Variants in RBMS1 observed in about 807,000 individuals in gnomAD.
RBMS1 encodes the protein RNA binding motif single stranded interacting protein 1.
In RBMS1, 17 loss-of-function variants were observed where a neutral mutation model predicts 62.3. That is an observed-to-expected ratio of 0.27 (90% CI 0.19 to 0.41). The LOEUF is 0.41. Among genes scored for constraint, RBMS1 ranks in the 10% least tolerant of loss-of-function variants. RBMS1 has a pLI of 1.00. For synonymous variants in RBMS1, 172 were observed against 170.0 expected (o/e 1.01, Z -0.09); for missense variants, 334 against 504.5 (o/e 0.66, Z 3.24).
At chr2:160,302,075 T>C (rs1689236559) in intron 5 of RBMS1, among the ~76,000 whole-genome samples, 2 of 152,208 alleles carry the variant, frequency 1.3e-5, no homozygotes, top group Non-Finnish European at 2.9e-5. Flanking sequence ...CAAAGAGCTT[T>C]CTATTTAGTA....
intron 2 of RBMS1, among the ~76,000 whole-genome samples, chr2:160,348,738 A>G (rs1245869902): frequency 2.0e-5 from 3 of 152,160 alleles, no homozygotes; most frequent in Non-Finnish European, 4.4e-5. Context: ...ATGAGTCTGG[A>G]ATGCAAGTGA....
chr2:160,372,446 G>A (rs141270993), intron 1 of RBMS1, among the ~76,000 whole-genome samples: 84 of 152,152 alleles, frequency 5.5e-4, no homozygotes, highest in African/African-American at 2.0e-3. Context: ...CACTACAGTT[G>A]CTCCTGAAAG....
chr2:160,468,891 G>A (rs1189443901), intron 1 of RBMS1, among the ~76,000 whole-genome samples: 1 of 152,110 alleles, frequency 6.6e-6, no homozygotes, highest in African/African-American at 2.4e-5. Flanking sequence ...CATTAGTTTT[G>A]CCTTTACCCA....
intron 1 of RBMS1, among the ~76,000 whole-genome samples, chr2:160,457,219 C>T (rs915386698): frequency 6.6e-6 from 1 of 152,236 alleles, no homozygotes; most frequent in Non-Finnish European, 1.5e-5. Flanking sequence ...CAACCTCCCC[C>T]TCCTGGGTTC....
At chr2:160,291,981 C>A (rs943341141) in intron 6 of RBMS1, among the ~76,000 whole-genome samples, 1 of 152,136 alleles carries the variant, frequency 6.6e-6, no homozygotes, top group Non-Finnish European at 1.5e-5. Context: ...ATGATAGGTC[C>A]TTTTCTTCTA....
At chr2:160,348,550 GCTGA>G (rs1283230010) in intron 2 of RBMS1, among the ~76,000 whole-genome samples, 3 of 152,096 alleles carry the variant, frequency 2.0e-5, no homozygotes, top group Admixed American at 1.3e-4. Context: ...TTTCACAGAG[GCTGA>G]CTGTTTCAAG....
intron 1 of RBMS1, among the ~76,000 whole-genome samples, chr2:160,463,693 G>A (rs1009501083): frequency 2.1e-4 from 32 of 152,130 alleles, no homozygotes; most frequent in African/African-American, 7.7e-4. Context: ...GCTGAGGCAG[G>A]AGAATCGCTT....
chr2:160,288,908 T>G (rs913051175), intron 6 of RBMS1, among the ~76,000 whole-genome samples: 1 of 152,144 alleles, frequency 6.6e-6, no homozygotes, highest in African/African-American at 2.4e-5. Flanking sequence ...CATAATTTCT[T>G]TCAGAGACAG....
chr2:160,354,749 A>C (rs1050019210), intron 2 of RBMS1, among the ~76,000 whole-genome samples: 25 of 152,286 alleles, frequency 1.6e-4, no homozygotes, highest in African/African-American at 6.0e-4. Flanking sequence ...AGAGGCAAGA[A>C]GATGCTATGG....
rs780905081 is a variant in RBMS1 at position 160,281,360 on chromosome 2, T to C, written c.905A>G (p.Gln302Arg). 1.2e-6 allele frequency: 2 copies of C among 1,608,396 alleles called. No individual in the cohort carries two copies. The highest frequency in any genetic ancestry group is 1.7e-6 in the Non-Finnish European group (2 of 1,176,038). The stretch of plus-strand genomic sequence containing the variant: ...TTGAGGTTGCATCCACGAAGGACTT[T>C]GCACCTAGAAAAGGGAGGATTTTGA... ...IASPVSAYQV[Q>R]SPSWMQPQPY... The change falls in exon 10 of 14, where the codon CAA becomes CGA. Residue 302 changes from glutamine to arginine, a missense_variant. This residue lies in a region of RBMS1 where 182 missense variants were observed against 257.7 expected (regional missense o/e 0.71). Transcript: ENST00000348849.
At chr2:160,327,496 CATTTG>C (rs1330445982) in intron 2 of RBMS1, among the ~76,000 whole-genome samples, 1 of 152,138 alleles carries the variant, frequency 6.6e-6, no homozygotes, top group East Asian at 1.9e-4. Flanking sequence ...TATTATAAAG[CATTTG>C]ATTTATTACA....
At chr2:160,424,583 A>G (rs1696570504) in intron 1 of RBMS1, among the ~76,000 whole-genome samples, 1 of 152,198 alleles carries the variant, frequency 6.6e-6, no homozygotes, top group Non-Finnish European at 1.5e-5. Flanking sequence ...TTCATGCTAT[A>G]ACCGGGAAGC....
chr2:160,474,903 C>T (rs747503236), intron 1 of RBMS1, among the ~76,000 whole-genome samples: 4 of 152,124 alleles, frequency 2.6e-5, no homozygotes, highest in Non-Finnish European at 5.9e-5. Flanking sequence ...AGTAATATAT[C>T]GTATTTATGG....
chr2:160,398,129 T>C (rs924129245), intron 1 of RBMS1, among the ~76,000 whole-genome samples: 5 of 152,236 alleles, frequency 3.3e-5, no homozygotes, highest in African/African-American at 1.2e-4. Flanking sequence ...AAGAATAATG[T>C]GTAATTCATG....
intron 1 of RBMS1, among the ~76,000 whole-genome samples, chr2:160,468,065 C>T (rs1039853886): frequency 6.6e-6 from 1 of 152,166 alleles, no homozygotes; most frequent in Non-Finnish European, 1.5e-5. Context: ...GAGCTTGACT[C>T]TAATCCAGGC....
chr2:160,440,368 C>G (rs539510154), intron 1 of RBMS1, among the ~76,000 whole-genome samples: 1 of 152,258 alleles, frequency 6.6e-6, no homozygotes, highest in South Asian at 2.1e-4. Context: ...AATCCAGCAT[C>G]CCTGACTTGA....
intron 1 of RBMS1, among the ~76,000 whole-genome samples, chr2:160,396,800 T>C (rs1225087151): frequency 6.6e-6 from 1 of 152,068 alleles, no homozygotes; most frequent in Non-Finnish European, 1.5e-5. Context: ...CCTGACCTCG[T>C]AATCCGCCCA....
intron 1 of RBMS1, 40 bp downstream of exon 1, chr2:160,493,249 C>G: frequency 6.3e-7 from 1 of 1,591,432 alleles, no homozygotes; most frequent in Non-Finnish European, 8.6e-7. Context: ...GTCCCCGGGC[C>G]CCCTCCTCCG....
chr2:160,285,977 G>T (rs770541472), intron 7 of RBMS1, among the ~76,000 whole-genome samples: 3 of 151,976 alleles, frequency 2.0e-5, no homozygotes, highest in Non-Finnish European at 4.4e-5. Context: ...CGCGCATGGT[G>T]GTGGGTGCCT....
Sources: allele counts gnomAD v4.1 joint callset (sites outside exome capture counted in the v4.1 genomes callset), GRCh38; gene constraint gnomAD v4.1.1; regional missense constraint gnomAD v4.1.1; transcripts MANE v1.5; gene names NCBI Gene and HGNC (gene_info 2026-07-23, HGNC 2026-07-21).